The following KRT72 variants were observed in gnomAD, a reference collection of about 807,000 sequenced individuals.
KRT72 encodes keratin 72.
KRT72 carries 44 observed loss-of-function variants against 44.7 expected under a neutral mutation model. The observed-to-expected ratio is 0.98, with a 90% confidence interval of 0.77 to 1.27. The LOEUF (loss-of-function observed/expected upper bound fraction) is 1.27. KRT72 is among the 50% of genes most tolerant of loss of function. The pLI, the probability that KRT72 is intolerant of heterozygous loss-of-function variation, is 0.00. For missense variants in KRT72, 736 were observed against 667.1 expected (o/e 1.10, Z -1.14); for synonymous variants, 302 against 280.4 (o/e 1.08, Z -0.77).
At position 52,586,067 on chromosome 12, in the gene KRT72, G is replaced by T. The variant is rs1424912090; in HGVS notation, c.1451C>A (p.Thr484Asn). The T allele has an allele frequency of 1.2e-6, 2 of 1,614,206 alleles. No individual in the cohort carries two copies. The highest frequency in any genetic ancestry group is 1.7e-6 in the Non-Finnish European group (2 of 1,180,042). ...GAGCTCACTGCCACAGCTGCCTTTG[G>T]TCTTGACGTCTGCAGCTGCAGTTTT... is the stretch of plus-strand genomic sequence containing the variant. ...SYKTAAADVK[T>N]KGSCGSELKD... The change falls in exon 9 of 9, where the codon ACC becomes AAC. Residue 484 changes from threonine (T) to asparagine (N), a missense_variant. Thr to Asn is a moderately conservative substitution (Grantham distance 65). Transcript: ENST00000293745.
chr12:52,600,291 C>T (rs1940377410), intron 1 of KRT72, among the ~76,000 whole-genome samples: 1 of 152,228 alleles, frequency 6.6e-6, no homozygotes, highest in African/African-American at 2.4e-5. Context: ...CTCTTGGCCT[C>T]TGTTCCTAAT....
intron 6 of KRT72, 32 bp from the exon 7 acceptor site, chr12:52,587,883 T>A (rs374793445): frequency 6.3e-7 from 1 of 1,598,284 alleles, no homozygotes; most frequent in Admixed American, 1.7e-5. Flanking sequence ...CACTTAAGAG[T>A]CAGAGCCCAG....
chr12:52,587,814 T>C lies in KRT72; in HGVS notation c.1127A>G (p.Gln376Arg), dbSNP rs755068681. Reference protein sequence around the residue: ...DLETAIADAEQRGDCALKDAR... With the variant: ...DLETAIADAERRGDCALKDAR... Reference sequence around the variant, plus strand: ...ATCTTTCAGGGCGCAGTCCCCCCGCTGTTCAGCGTCGGCGATGGCCGTCTC... The same window carrying C: ...ATCTTTCAGGGCGCAGTCCCCCCGCCGTTCAGCGTCGGCGATGGCCGTCTC... The change falls in exon 7 of 9, where the codon CAG becomes CGG. Residue 376 changes from glutamine (Q) to arginine (R), a missense_variant. Gln to Arg is a conservative substitution (Grantham distance 43, BLOSUM62 1). Transcript: ENST00000293745. The C allele has an allele frequency of 6.2e-7, 1 of 1,614,054 alleles. No individual in the cohort carries two copies. The highest frequency in any genetic ancestry group is 1.3e-5 in the African/African-American group (1 of 74,926).
chr12:52,598,782 A>G (rs1170021788), intron 2 of KRT72, 116 bp downstream of exon 2: 4 of 829,058 alleles, frequency 4.8e-6, no homozygotes, highest in Non-Finnish European at 8.2e-6. Context: ...TTCTGTCTGG[A>G]TGTTCCTCCC....
At chr12:52,599,240 C>T (rs566588790) in intron 1 of KRT72, 128 bp from the exon 2 acceptor site, 150 of 838,558 alleles carry the variant, frequency 1.8e-4, no homozygotes, top group Non-Finnish European at 2.7e-4. Context: ...AGGCTTATCC[C>T]GGGGTGGATT....
upstream of KRT72, among the ~76,000 whole-genome samples, chr12:52,602,779 T>C (rs586981): frequency 0.8 from 121,340 of 152,212 alleles, 49,198 homozygotes; most frequent in African/African-American, 0.95. Flanking sequence ...GAAGGCTGGG[T>C]TCCCCTTGGG....
At chr12:52,599,140 G>A (rs375981102) in intron 1 of KRT72, 28 bp from the exon 2 acceptor site, 19 of 1,610,040 alleles carry the variant, frequency 1.2e-5, no homozygotes, top group East Asian at 2.2e-5. Context: ...TCATCGCCCA[G>A]AGTCCCCATG....
At position 52,601,440 on chromosome 12, in the gene KRT72, G is replaced by C. The variant is rs1020474020; in HGVS notation, c.13C>G (p.Leu5Val). 1.3e-6 allele frequency: 2 copies of C among 1,537,420 alleles called. No individual in the cohort carries two copies. The highest frequency in any genetic ancestry group is 1.7e-6 in the Non-Finnish European group (2 of 1,146,990). ...CGCTCCCCGCGGGGGAAATGGGTCA[G>C]TTGGCGGCTCATGGCTCGCAAGTAC... MSRQ[L>V]THFPRGERLG... is the part of the protein sequence containing the mutation. The change falls in exon 1 of 9, where the codon CTG (leucine) becomes GTG (valine). Residue 5 changes from leucine (L) to valine (V), a missense_variant. Transcript: ENST00000293745.
intron 6 of KRT72, 63 bp from the exon 7 acceptor site, chr12:52,587,914 A>C (rs1444577512): frequency 2.0e-6 from 3 of 1,489,066 alleles, no homozygotes; most frequent in Non-Finnish European, 2.7e-6. Flanking sequence ...TTGCTTGGAC[A>C]ACCTCCCCTT....
At chr12:52,587,582 C>T (rs771059020) in intron 7 of KRT72, 49 bp downstream of exon 7, 6 of 1,599,836 alleles carry the variant, frequency 3.8e-6, no homozygotes, top group South Asian at 3.3e-5. Context: ...AGCTTCCTAC[C>T]AAAGCAGAGA....
chr12:52,586,166 A>C lies in KRT72; in HGVS notation c.1352T>G (p.Ile451Ser), dbSNP rs1228155867. The C allele has an allele frequency of 9.3e-6, 15 of 1,613,314 alleles. No individual in the cohort carries two copies. Among genetic ancestry groups the C allele is most frequent in the Non-Finnish European group, 1.3e-5 (15 of 1,179,628 alleles). ...TCCTGCCCCAGCATTGGTGCTGCTG[A>C]TGACGGCTGGAATGGATGAGAGAAG... Reference protein sequence around the residue: ...EYPNSVSISVISSTNAGAGGA... With the variant: ...EYPNSVSISVSSSTNAGAGGA... The change falls in exon 9 of 9, where the codon ATC becomes AGC. Residue 451 changes from isoleucine (I) to serine (S), a missense_variant. Physicochemically the swap from Ile to Ser is moderately radical, Grantham distance 142 (BLOSUM62 -2). Coordinates refer to ENST00000293745, the MANE Select transcript of KRT72 (RefSeq NM_080747.3).
upstream of KRT72, among the ~76,000 whole-genome samples, chr12:52,602,077 C>A (rs1016253896): frequency 6.6e-6 from 1 of 152,194 alleles, no homozygotes; most frequent in East Asian, 1.9e-4. Context: ...ACAGAGACCT[C>A]TGGTCACAAG....
At chr12:52,587,008 A>G (rs751236447) in intron 7 of KRT72, 28 bp from the exon 8 acceptor site, 3 of 1,610,542 alleles carry the variant, frequency 1.9e-6, no homozygotes, top group Admixed American at 3.3e-5. Context: ...AAACAGGTAA[A>G]TCCCCCATAA....
chr12:52,591,613 G>A lies in KRT72; in HGVS notation c.814C>T (p.Gln272Ter), dbSNP rs2120748650. The A allele has an allele frequency of 6.2e-7, 1 of 1,612,104 alleles. No individual in the cohort carries two copies. Among genetic ancestry groups the A allele is most frequent in the South Asian group, 1.1e-5 (1 of 90,972 alleles). ...ATGGACGTGTCGCTGATGTGGGACT[G>A]GATCTGAGTGATCTCCTGGGGACGG... Reference protein sequence around the residue: ...CLYEGEITQIQSHISDTSIVL... With the variant: ...CLYEGEITQI Residue 272 changes from glutamine to a stop codon, truncating the protein, a stop_gained, in exon 5 of 9, where the codon CAG becomes TAG. Coordinates refer to ENST00000293745, the MANE Select transcript of KRT72 (RefSeq NM_080747.3). LOFTEE classifies it high-confidence loss of function.
intron 2 of KRT72, 76 bp downstream of exon 2, chr12:52,598,822 C>G: frequency 1.5e-6 from 2 of 1,358,210 alleles, no homozygotes; most frequent in South Asian, 2.4e-5. Flanking sequence ...ATCTCAGAAG[C>G]AAAAATGCCA....
chr12:52,589,550 C>T (rs566524667), intron 6 of KRT72, among the ~76,000 whole-genome samples: 6 of 152,224 alleles, frequency 3.9e-5, no homozygotes, highest in Admixed American at 1.3e-4. Flanking sequence ...GAACATGGCC[C>T]GAGTTGAGAG....
At chr12:52,591,755 A>C (rs1940040387) in intron 4 of KRT72, 127 bp from the exon 5 acceptor site, 6 of 904,422 alleles carry the variant, frequency 6.6e-6, no homozygotes, top group Non-Finnish European at 1.0e-5. Context: ...CTGCCTCAGC[A>C]CCAGTGCCTG....
intron 2 of KRT72, among the ~76,000 whole-genome samples, chr12:52,596,711 C>T (rs747630591): frequency 6.6e-6 from 1 of 151,938 alleles, no homozygotes; most frequent in African/African-American, 2.4e-5. Flanking sequence ...CCACCATGCC[C>T]GGCTAATTTT....
Position 52,601,232 on chromosome 12 carries a change from A to G in KRT72, c.221T>C (p.Phe74Ser), listed in dbSNP as rs986945699. Residue 74 changes from phenylalanine to serine, a missense_variant, in exon 1 of 9, where the codon TTC (phenylalanine) becomes TCC (serine). Coordinates refer to ENST00000293745, the MANE Select transcript of KRT72 (RefSeq NM_080747.3). ...ARRGGGRLGG[F>S]VGTAFGSAGL... ...GGCGCTGCCGAAGGCGGTGCCCACG[A>G]AGCCGCCCAGGCGGCCGCCGCCCCG... The G allele has an allele frequency of 1.3e-5, 21 of 1,595,704 alleles. No individual in the cohort carries two copies. Among genetic ancestry groups the G allele is most frequent in the Non-Finnish European group, 1.7e-5 (20 of 1,171,312 alleles).
Sources: gnomAD v4.1 joint callset for allele counts (sites outside exome capture counted in the v4.1 genomes callset) on GRCh38, gnomAD v4.1.1 for gene constraint, MANE v1.5 for transcripts, NCBI Gene and HGNC (gene_info 2026-07-23, HGNC 2026-07-21) for gene names.